Variants in PPP2R3C observed in about 807,000 individuals in gnomAD.
PPP2R3C encodes the protein serine/threonine-protein phosphatase 2A regulatory subunit B'' subunit gamma.
PPP2R3C carries 47 observed loss-of-function variants against 63.7 expected under a neutral mutation model. The ratio of observed to expected loss-of-function variants is 0.74; its 90% confidence interval spans 0.58 to 0.94. The LOEUF (loss-of-function observed/expected upper bound fraction) is 0.94. PPP2R3C is among the 40% of genes least tolerant of loss of function. The pLI, the probability that PPP2R3C is intolerant of heterozygous loss-of-function variation, is 0.00. For synonymous variants in PPP2R3C, 180 were observed against 177.4 expected, an observed-to-expected ratio of 1.01 and a Z score of -0.12; for missense variants, 421 against 518.4, an observed-to-expected ratio of 0.81 and a Z score of 1.82.
chr14:35,112,023 G>A (rs1347002097), intron 2 of PPP2R3C, among the ~76,000 whole-genome samples: 1 of 152,190 alleles, frequency 6.6e-6, no homozygotes, highest in Non-Finnish European at 1.5e-5. Flanking sequence ...CAGGCAAGAA[G>A]AACCTGTTGG....
intron 11 of PPP2R3C, among the ~76,000 whole-genome samples, chr14:35,089,770 A>C (rs2045733797): frequency 6.6e-6 from 1 of 151,760 alleles, no homozygotes; most frequent in Non-Finnish European, 1.5e-5. Flanking sequence ...GGTTCATGCC[A>C]TTCTCCTGCC....
rs917662736 is a variant in PPP2R3C, at chr14:35,116,614, T to A, written c.182A>T (p.Tyr61Phe). ...ATTTGATTAGACACTACTTACCCTATAATAAAACCGGGGAATGGTCTTATA... is the reference window on the plus strand; with the variant it reads ...ATTTGATTAGACACTACTTACCCTAAAATAAAACCGGGGAATGGTCTTATA... Reference protein sequence around the residue: ...EFYKTIPRFYYRLPAEDEVLL... With the variant: ...EFYKTIPRFYFRLPAEDEVLL... Residue 61 changes from tyrosine (Y) to phenylalanine (F), a missense_variant, in exon 2 of 13, where the codon TAT becomes TTT. By Grantham distance (22) the Tyr-to-Phe change is conservative. Transcript: ENST00000261475. 1.6e-5 allele frequency: 25 copies of A among 1,589,140 alleles called. No individual in the cohort carries two copies. Among genetic ancestry groups the A allele is most frequent in the Non-Finnish European group, 2.1e-5 (25 of 1,167,504 alleles).
chr14:35,120,521 A>T (rs1358052626), intron 1 of PPP2R3C, among the ~76,000 whole-genome samples: 3 of 152,166 alleles, frequency 2.0e-5, no homozygotes, highest in African/African-American at 7.2e-5. Flanking sequence ...CTGGGATTAC[A>T]GGACTGAGCG....
intron 2 of PPP2R3C, among the ~76,000 whole-genome samples, chr14:35,116,187 A>G (rs1462908032): frequency 6.6e-6 from 1 of 152,046 alleles, no homozygotes; most frequent in Admixed American, 6.5e-5. Context: ...AATAATATAT[A>G]AAATTTAAAA....
At chr14:35,111,005 G>A (rs1383052365) in intron 2 of PPP2R3C, among the ~76,000 whole-genome samples, 4 of 152,170 alleles carry the variant, frequency 2.6e-5, no homozygotes, top group Non-Finnish European at 5.9e-5. Flanking sequence ...TTGGGTGGCC[G>A]AGGCAGGCGG....
intron 1 of PPP2R3C, among the ~76,000 whole-genome samples, chr14:35,121,548 AT>A (rs1328591347): frequency 1.3e-5 from 2 of 152,224 alleles, no homozygotes; most frequent in Non-Finnish European, 2.9e-5. Flanking sequence ...TATAAAATGG[AT>A]TACGAGGGAA....
chr14:35,099,741 CT>C (rs11393206), intron 6 of PPP2R3C: 3,673 of 156,002 alleles, frequency 0.024, 7 homozygotes, highest in South Asian at 0.043. Flanking sequence ...TTCTTTCCCT[CT>C]TTTTTTTTTT....
chr14:35,104,214 T>A (rs1438521590), intron 6 of PPP2R3C, among the ~76,000 whole-genome samples: 1 of 115,532 alleles, frequency 8.7e-6, no homozygotes, highest in African/African-American at 3.2e-5. Context: ...TGGCTAATTA[T>A]GTCTTCCTTG....
intron 7 of PPP2R3C, among the ~76,000 whole-genome samples, chr14:35,098,066 A>G (rs1387509525): frequency 6.6e-6 from 1 of 152,242 alleles, no homozygotes; most frequent in Non-Finnish European, 1.5e-5. Flanking sequence ...TACATAAGTC[A>G]AAACGTGATA....
intron 3 of PPP2R3C, chr14:35,110,307 A>C (rs1439783525): frequency 2.0e-6 from 1 of 492,126 alleles, no homozygotes; most frequent in Non-Finnish European, 3.6e-6. Context: ...CATTAGAATC[A>C]CCTAGGGCCT....
chr14:35,087,895 T>G (rs997789820), intron 12 of PPP2R3C, 56 bp downstream of exon 12: 8 of 1,341,602 alleles, frequency 6.0e-6, no homozygotes, highest in Non-Finnish European at 8.5e-6. Flanking sequence ...TTTCATGTAA[T>G]ACAAATGACT....
Position 35,095,056 on chromosome 14 carries a change from C to T in PPP2R3C, c.967G>A (p.Gly323Arg). Reference sequence around the variant, plus strand: ...CAGATTTAAACTACTACCATTTCTCCATCATAAGTGAGACACTCCTGGAAA... The same window carrying T: ...CAGATTTAAACTACTACCATTTCTCTATCATAAGTGAGACACTCCTGGAAA... ...RVFQECLTYDGEMDYKTYLDF... is the reference protein window; with the variant it reads ...RVFQECLTYDREMDYKTYLDF... The change falls in exon 10 of 13, where the codon GGA (glycine) becomes AGA (arginine). Residue 323 changes from glycine to arginine, a missense_variant. Physicochemically the swap from Gly to Arg is moderately radical, Grantham distance 125. Coordinates refer to ENST00000261475, the MANE Select transcript of PPP2R3C (RefSeq NM_017917.4). 6.2e-7 allele frequency: 1 copy of T among 1,605,690 alleles called. No individual in the cohort carries two copies. The highest frequency in any genetic ancestry group is 8.5e-7 in the Non-Finnish European group (1 of 1,172,574).
chr14:35,121,763 T>TG (rs2046905528), intron 1 of PPP2R3C, 139 bp downstream of exon 1: 2 of 952,660 alleles, frequency 2.1e-6, no homozygotes, highest in African/African-American at 3.3e-5. Context: ...TTAAACCACA[T>TG]TCCACTCCGC....
chr14:35,114,983 G>C (rs1179567825), intron 2 of PPP2R3C, among the ~76,000 whole-genome samples: 1 of 151,318 alleles, frequency 6.6e-6, no homozygotes, highest in Non-Finnish European at 1.5e-5. Flanking sequence ...AACAGAGTGA[G>C]ACTCCATCTC....
At chr14:35,106,077 C>T (rs913996282) in intron 6 of PPP2R3C, among the ~76,000 whole-genome samples, 2 of 151,586 alleles carry the variant, frequency 1.3e-5, no homozygotes, top group Admixed American at 1.3e-4. Flanking sequence ...GATCTCCTGA[C>T]CTCGTGATCC....
chr14:35,094,309 A>G (rs1199164387), intron 10 of PPP2R3C, among the ~76,000 whole-genome samples: 1 of 152,090 alleles, frequency 6.6e-6, no homozygotes, highest in African/African-American at 2.4e-5. Flanking sequence ...TAGCTATACT[A>G]CAGGCACATT....
intron 1 of PPP2R3C, among the ~76,000 whole-genome samples, chr14:35,120,688 T>A (rs575969675): frequency 6.6e-6 from 1 of 152,156 alleles, no homozygotes; most frequent in Non-Finnish European, 1.5e-5. Flanking sequence ...GGCTCACGTC[T>A]GTAATAGCAA....
At chr14:35,114,992 TC>T (rs1422185248) in intron 2 of PPP2R3C, among the ~76,000 whole-genome samples, 5 of 150,076 alleles carry the variant, frequency 3.3e-5, no homozygotes, top group Non-Finnish European at 7.4e-5. Flanking sequence ...AGACTCCATC[TC>T]AAAAAAAAAA....
At chr14:35,117,421 C>G (rs1441045955) in intron 1 of PPP2R3C, among the ~76,000 whole-genome samples, 6 of 152,198 alleles carry the variant, frequency 3.9e-5, no homozygotes, top group Non-Finnish European at 5.9e-5. Flanking sequence ...ACTTTCACCT[C>G]TAGTTCATTC....
Sources: allele counts gnomAD v4.1 joint callset (sites outside exome capture counted in the v4.1 genomes callset), GRCh38; gene constraint gnomAD v4.1.1; transcripts MANE v1.5; gene names NCBI Gene and HGNC (gene_info 2026-07-23, HGNC 2026-07-21).